Variants in SEPTIN3 observed in about 807,000 individuals in gnomAD.
SEPTIN3 encodes the protein neuronal-specific septin-3.
A neutral mutation model predicts 45.1 loss-of-function variants in SEPTIN3; 15 were observed. That is an observed-to-expected ratio of 0.33 (90% CI 0.22 to 0.51). The LOEUF is 0.51. Among genes scored for constraint, SEPTIN3 ranks in the 20% least tolerant of loss-of-function variants. The pLI is 0.97. For synonymous variants in SEPTIN3, 148 were observed against 164.8 expected (o/e 0.90, Z 0.78); for missense variants, 289 against 457.2 (o/e 0.63, Z 3.35).
intron 11 of SEPTIN3, chr22:41,996,668 T>C (rs2078444780): frequency 1.4e-6 from 2 of 1,387,198 alleles, no homozygotes; most frequent in Non-Finnish European, 1.9e-6. Context: ...GCCCAGAGGT[T>C]ATACATTTCA....
rs2077974073 is a variant in SEPTIN3, at chr22:41,972,987, G to T, written c.1495G>T (p.Glu499Ter). 2 of 398,784 alleles carry T rather than the reference G, an allele frequency of 5.0e-6. No individual in the cohort carries two copies. Among genetic ancestry groups the T allele is most frequent in the African/African-American group, 2.1e-5 (1 of 48,642 alleles). 24.7% of individuals were successfully genotyped at this position (398,784 alleles called of 1,614,324 possible). ...TEPASLDLAT[E>*]YKGLPETRTD... ...GCCTGCCTCACTGGACCTGGCCACAGAATACAAAGGTAAATGCAGAAACTT... is the reference window on the plus strand; with the variant it reads ...GCCTGCCTCACTGGACCTGGCCACATAATACAAAGGTAAATGCAGAAACTT... Residue 499 changes from glutamate (E) to a stop codon, truncating the protein, a stop_gained, in exon 2 of 12, where the codon GAA (glutamate) becomes TAA (stop). Transcript: ENST00000644076. LOFTEE classifies it high-confidence loss of function.
At chr22:41,974,081 G>C (rs1383331555) in intron 2 of SEPTIN3, among the ~76,000 whole-genome samples, 1 of 151,368 alleles carries the variant, frequency 6.6e-6, no homozygotes, top group Non-Finnish European at 1.5e-5. Context: ...AGAATTGCTT[G>C]AGCCCAGGAG....
rs375838197 is a variant in SEPTIN3, at chr22:41,989,678, G to A, written c.2157G>A (p.Lys719=). 4 of 1,604,072 alleles carry A rather than the reference G, an allele frequency of 2.5e-6. No individual in the cohort carries two copies. In the African/African-American group the frequency reaches 4.0e-5, roughly 16 times the overall value. The part of the protein sequence containing the change: ...TMTLEEKSEF[K]QRVRKELEVN... ...CCCTGGAGGAGAAGTCTGAATTCAA[G>A]CAAAGGGTGAGAAGGCCCCCTGTCT... Residue 719 remains lysine (K), a synonymous_variant, in exon 7 of 12, where the codon AAG becomes AAA. Coordinates refer to ENST00000644076, the MANE Select transcript of SEPTIN3 (RefSeq NM_001363845.2).
rs1389949307 is a variant in SEPTIN3 at position 41,996,837 on chromosome 22, T to C, written c.2506-65T>C. On this transcript the variant is annotated intron_variant, in intron 11 of 11. Coordinates refer to ENST00000644076, the MANE Select transcript of SEPTIN3 (RefSeq NM_001363845.2). Reference sequence around the variant, plus strand: ...ATGATCTGAGCCTCCCTGGAGAAGGTATTTTATATGTCTGCTGCCAGCTGC... The same window carrying C: ...ATGATCTGAGCCTCCCTGGAGAAGGCATTTTATATGTCTGCTGCCAGCTGC... 3 of 1,605,602 alleles carry C rather than the reference T, an allele frequency of 1.9e-6. No homozygotes were observed. The African/African-American group carries it at 4.0e-5, about 21-fold the overall frequency.
Position 41,976,344 on chromosome 22 carries a change from T to G in SEPTIN3, c.1504+3348T>G, listed in dbSNP as rs542726566. ...TGAGGCAATATGCTGTCCATTAGTATCCACTGAATGCGTGAAATTTTTTTC... is the reference window on the plus strand; with the variant it reads ...TGAGGCAATATGCTGTCCATTAGTAGCCACTGAATGCGTGAAATTTTTTTC... On this transcript the variant is annotated intron_variant, in intron 2 of 11. Transcript: ENST00000644076. This position sits in a 1 kb window ranked among gnomAD's most constrained non-coding sequence, Gnocchi z 5.8. 6.6e-6 allele frequency: 1 copy of G among 152,284 alleles called. No homozygotes were observed. Among genetic ancestry groups the G allele is most frequent in the African/African-American group, 2.4e-5 (1 of 41,464 alleles). 9.4% of individuals were successfully genotyped at this position (152,284 alleles called of 1,614,324 possible).
At chr22:41,992,488 C>T (rs1003336439) in intron 8 of SEPTIN3, among the ~76,000 whole-genome samples, 176 bp from the exon 9 acceptor site, 2 of 152,186 alleles carry the variant, frequency 1.3e-5, no homozygotes, top group South Asian at 4.1e-4. Flanking sequence ...CAATCTCAGT[C>T]GGGTGCTCTT....
chr22:41,977,275 A>G (rs1282883103), intron 2 of SEPTIN3, among the ~76,000 whole-genome samples: 2 of 152,038 alleles, frequency 1.3e-5, no homozygotes, highest in East Asian at 3.9e-4. Flanking sequence ...ACGCGGGGAG[A>G]CGCAGGGACC....
chr22:41,985,518 A>G, intron 3 of SEPTIN3: 1 of 161,262 alleles, frequency 6.2e-6, no homozygotes, highest in Non-Finnish European at 1.4e-5. Context: ...CTGAGGATAA[A>G]GATAGTTCTG....
intron 8 of SEPTIN3, 37 bp downstream of exon 8, chr22:41,991,705 C>G (rs760117100): frequency 4.6e-6 from 6 of 1,317,882 alleles, no homozygotes; most frequent in South Asian, 1.2e-5. Context: ...ACTGATGCCC[C>G]CTTGCGACCT....
Position 41,994,927 on chromosome 22 carries a change from GAGAGAGAGCGAGAGAGCC to G in SEPTIN3, c.2505+214_2505+231del. The G allele has an allele frequency of 6.9e-7, 1 of 1,439,672 alleles. No individual in the cohort carries two copies. The highest frequency in any genetic ancestry group is 2.7e-5 in the East Asian group (1 of 37,516). The allele number at this position is 1,439,672 out of a possible 1,614,324, so 89.2% of individuals were successfully genotyped here. A position where few individuals can be genotyped will look rare whatever the true frequency, so the allele number is the denominator to read the frequency against. On this transcript the variant is annotated intron_variant, in intron 11 of 11. Coordinates refer to ENST00000644076, the MANE Select transcript of SEPTIN3 (RefSeq NM_001363845.2). The surrounding 1 kb of genome is among the most constrained non-coding windows in gnomAD (Gnocchi z 4.2). ...TGTGTGTGTGTGTGTGTGTGTGACA[GAGAGAGAGCGAGAGAGCC>G]TGTGTGTGTGCATGCAGGGGTGAGG...
At chr22:41,978,542 G>C (rs1033442350) in intron 2 of SEPTIN3, among the ~76,000 whole-genome samples, 2 of 152,166 alleles carry the variant, frequency 1.3e-5, no homozygotes, top group Non-Finnish European at 2.9e-5. Flanking sequence ...TGACATGGTG[G>C]GACCAGGGGA....
rs906268675 is a variant in SEPTIN3 at position 41,974,926 on chromosome 22, C to T, written c.1504+1930C>T. On this transcript the variant is annotated intron_variant, in intron 2 of 11. Transcript: ENST00000644076. The stretch of plus-strand genomic sequence containing the variant: ...CCTCCTACGTGAAAATACTGACTAG[C>T]GCTTTAGGAAGTTGTGATTTGTCTA... Among the ~76,000 whole-genome samples the T allele has an allele frequency of 1.3e-4, 19 of 147,230 alleles. No homozygotes were observed. The East Asian group carries it at 2.2e-3, about 17-fold the overall frequency.
chr22:41,996,842 T>C (rs1329028433), intron 11 of SEPTIN3, 60 bp from the exon 12 acceptor site: 3 of 1,608,348 alleles, frequency 1.9e-6, no homozygotes, highest in Non-Finnish European at 2.5e-6. Flanking sequence ...GAAGGTATTT[T>C]ATATGTCTGC....
intron 2 of SEPTIN3, among the ~76,000 whole-genome samples, chr22:41,974,787 G>A (rs2077999153): frequency 6.7e-6 from 1 of 149,938 alleles, no homozygotes. Flanking sequence ...CCCGGGAGGC[G>A]GAGGTTGCAG....
chr22:41,985,987 A>T lies in SEPTIN3; in HGVS notation c.1700A>T (p.Gln567Leu). Residue 567 changes from glutamine to leucine, a missense_variant, in exon 4 of 12, where the codon CAG becomes CTG. By Grantham distance (113) the Gln-to-Leu change is moderately radical (BLOSUM62 -2). Coordinates refer to ENST00000644076, the MANE Select transcript of SEPTIN3 (RefSeq NM_001363845.2). ...GFDFNIMVVG[Q>L]SGLGKSTLVN... is the part of the protein sequence containing the mutation. The stretch of plus-strand genomic sequence containing the variant: ...TCCTCCTCCTGCTTTGCTGTAGGCC[A>T]GAGTGGACTGGGCAAATCAACGCTG... The T allele has an allele frequency of 6.2e-7, 1 of 1,608,314 alleles. No homozygotes were observed. The highest frequency in any genetic ancestry group is 8.5e-7 in the Non-Finnish European group (1 of 1,177,220).
At chr22:41,989,126 C>CA (rs71184854) in intron 6 of SEPTIN3, among the ~76,000 whole-genome samples, 41,571 of 88,526 alleles carry the variant, frequency 0.47, 9,472 homozygotes, top group East Asian at 0.82. Flanking sequence ...GACCCTGTCT[C>CA]AAAAAAAAAA....
At chr22:41,992,591 C>A in intron 8 of SEPTIN3, 73 bp from the exon 9 acceptor site, 1 of 949,730 alleles carries the variant, frequency 1.1e-6, no homozygotes. Flanking sequence ...ATATGCCATC[C>A]TGCTCCTGAA....
At chr22:41,991,437 C>CA in intron 7 of SEPTIN3, 136 bp from the exon 8 acceptor site, 2 of 692,060 alleles carry the variant, frequency 2.9e-6, no homozygotes, top group Non-Finnish European at 5.3e-6. Flanking sequence ...CTCAGGGTCT[C>CA]AGAGTTCAGA....
intron 9 of SEPTIN3, 83 bp downstream of exon 9, chr22:41,992,846 C>A: frequency 1.1e-6 from 1 of 915,706 alleles, no homozygotes; most frequent in Non-Finnish European, 1.8e-6. Flanking sequence ...GGTCAAGGCA[C>A]TGTCTCAGGA....
Sources: gnomAD v4.1 joint callset for allele counts (sites outside exome capture counted in the v4.1 genomes callset) on GRCh38, gnomAD v4.1.1 for gene constraint, Gnocchi (gnomAD v3.1) non-coding constraint, MANE v1.5 for transcripts, NCBI Gene and HGNC (gene_info 2026-07-23, HGNC 2026-07-21) for gene names.